The following SLC37A3 variants were observed in gnomAD, a reference collection of about 807,000 sequenced individuals.
SLC37A3 encodes the protein sugar phosphate exchanger 3.
SLC37A3 carries 51 observed loss-of-function variants against 67.1 expected under a neutral mutation model. The ratio of observed to expected loss-of-function variants is 0.76; its 90% CI spans 0.61 to 0.96. The LOEUF is 0.96. Ranked by LOEUF, SLC37A3 falls within the 40% of genes least tolerant of loss-of-function variation. The pLI is 0.00. For missense variants in SLC37A3, 508 were observed against 603.0 expected (o/e 0.84, Z 1.65); for synonymous variants, 214 against 231.4 (o/e 0.92, Z 0.68).
At chr7:140,355,226 T>C (rs1279452084) in intron 7 of SLC37A3, among the ~76,000 whole-genome samples, 1 of 152,094 alleles carries the variant, frequency 6.6e-6, no homozygotes, top group Non-Finnish European at 1.5e-5. Context: ...AATTAATTTA[T>C]TTCTGAACAG....
intron 11 of SLC37A3, 38 bp from the exon 12 acceptor site, chr7:140,345,301 A>C: frequency 6.3e-7 from 1 of 1,580,536 alleles, no homozygotes; most frequent in Non-Finnish European, 8.7e-7. Flanking sequence ...GGTGGCTTGA[A>C]AAGCAGACTC....
chr7:140,376,304 T>C (rs4368896), intron 3 of SLC37A3, among the ~76,000 whole-genome samples: 3 of 151,900 alleles, frequency 2.0e-5, no homozygotes, highest in Admixed American at 1.3e-4. Flanking sequence ...ACAATAACAT[T>C]GCTCAGATCA....
rs781223629 is a variant in SLC37A3 at position 140,362,673 on chromosome 7, T to TG, written c.375+1734dup. On this transcript the variant is annotated intron_variant, in intron 5 of 14. Transcript: ENST00000326232. Reference sequence around the variant, plus strand: ...CCAGCCGCCCCGTCCGGGAGGGAGGTGGGGGGGGGGGTCAGCCCCCTGCCC... The same window carrying TG: ...CCAGCCGCCCCGTCCGGGAGGGAGGTGGGGGGGGGGGGTCAGCCCCCTGCCC... Among the ~76,000 whole-genome samples, 42 of 15,726 alleles carry TG rather than the reference T, an allele frequency of 2.7e-3. 2 individuals carry two copies. The highest frequency in any genetic ancestry group is 4.9e-3 in the African/African-American group (21 of 4,288). The allele number at this position is 15,726 out of a possible 152,430, so 10.3% of individuals were successfully genotyped here.
chr7:140,383,958 A>G (rs751158113), intron 1 of SLC37A3, among the ~76,000 whole-genome samples: 1 of 152,196 alleles, frequency 6.6e-6, no homozygotes, highest in Non-Finnish European at 1.5e-5. Context: ...GATTACAGGC[A>G]TAAGGCACTG....
chr7:140,348,150 C>A (rs1271555221), intron 10 of SLC37A3, among the ~76,000 whole-genome samples: 1 of 152,018 alleles, frequency 6.6e-6, no homozygotes, highest in Non-Finnish European at 1.5e-5. Context: ...AAAGTGAAAC[C>A]ACAGATAAGT....
chr7:140,389,421 A>G (rs896073043), intron 1 of SLC37A3, among the ~76,000 whole-genome samples: 56 of 152,062 alleles, frequency 3.7e-4, no homozygotes, highest in Non-Finnish European at 4.4e-5. Flanking sequence ...GACTCACTTC[A>G]GCCCCCAGTG....
At chr7:140,362,187 C>A (rs1797341504) in intron 5 of SLC37A3, among the ~76,000 whole-genome samples, 1 of 140,854 alleles carries the variant, frequency 7.1e-6, no homozygotes, top group South Asian at 2.6e-4. Flanking sequence ...ATGTGGGGAG[C>A]GCCTCTGCCC....
intron 13 of SLC37A3, among the ~76,000 whole-genome samples, chr7:140,341,642 G>A (rs1796365324): frequency 6.6e-6 from 1 of 152,170 alleles, no homozygotes; most frequent in African/African-American, 2.4e-5. Context: ...AGCTAACAGT[G>A]ATTTACTCCA....
At position 140,396,887 on chromosome 7, in the gene SLC37A3, T is replaced by TTG. The variant is rs772948561; in HGVS notation, c.-71+1528_-71+1529insCA. On this transcript the variant is annotated intron_variant, in intron 1 of 14. Transcript: ENST00000326232. ...TTCTCTGAATCTCAATTTCTGTTTT[T>TTG]TTTTTTGTTTTTTTTTTTTTGACAG... 5.9e-3 allele frequency among the ~76,000 whole-genome samples: 448 copies of TTG among 75,506 alleles called. 3 individuals are homozygous for TTG. Among genetic ancestry groups the TTG allele is most frequent in the Non-Finnish European group, 9.0e-3 (299 of 33,046 alleles). 49.5% of individuals were successfully genotyped at this position (75,506 alleles called of 152,430 possible).
intron 5 of SLC37A3, among the ~76,000 whole-genome samples, chr7:140,363,740 C>CAAA (rs71170980): frequency 4.4e-4 from 47 of 107,832 alleles, no homozygotes; most frequent in African/African-American, 6.2e-4. Flanking sequence ...AACTCCGCCT[C>CAAA]AAAAAAAAAA....
chr7:140,377,788 C>T (rs1048832702), intron 3 of SLC37A3, among the ~76,000 whole-genome samples: 12 of 152,128 alleles, frequency 7.9e-5, no homozygotes, highest in African/African-American at 2.9e-4. Context: ...CCCAGCTACT[C>T]AGGAGGCTGA....
intron 5 of SLC37A3, among the ~76,000 whole-genome samples, chr7:140,363,086 C>T (rs1371604869): frequency 3.4e-5 from 3 of 89,404 alleles, no homozygotes; most frequent in East Asian, 3.7e-4. Flanking sequence ...GTCAGCCCCC[C>T]GCCCGGCCAG....
At chr7:140,380,892 T>TTCG (rs1798223963) in intron 2 of SLC37A3, among the ~76,000 whole-genome samples, 1 of 79,376 alleles carries the variant, frequency 1.3e-5, no homozygotes, top group Admixed American at 1.3e-4. Context: ...AGAATTCTTC[T>TTCG]TCTTCTTTTT....
chr7:140,394,477 C>A (rs1171063256), intron 1 of SLC37A3, among the ~76,000 whole-genome samples: 3 of 151,716 alleles, frequency 2.0e-5, no homozygotes, highest in African/African-American at 7.3e-5. Context: ...CAAAAATCAG[C>A]CAGTTGTGGT....
At chr7:140,347,424 G>A (rs1018036165) in intron 10 of SLC37A3, among the ~76,000 whole-genome samples, 1 of 152,154 alleles carries the variant, frequency 6.6e-6, no homozygotes, top group Non-Finnish European at 1.5e-5. Context: ...CATCTGGTGT[G>A]TCCTTATCAG....
chr7:140,354,662 T>C (rs1796947302), intron 7 of SLC37A3, among the ~76,000 whole-genome samples: 1 of 152,074 alleles, frequency 6.6e-6, no homozygotes, highest in Non-Finnish European at 1.5e-5. Context: ...ATTCTGTATC[T>C]TTCTGTTGTT....
intron 1 of SLC37A3, among the ~76,000 whole-genome samples, chr7:140,394,076 C>T (rs1334670055): frequency 6.6e-6 from 1 of 151,988 alleles, no homozygotes; most frequent in Non-Finnish European, 1.5e-5. Flanking sequence ...GAGGTGGAGG[C>T]GGGAGGATCG....
At position 140,377,265 on chromosome 7, in the gene SLC37A3, A is replaced by C. The variant is rs539889736; in HGVS notation, c.198+3017T>G. 1.1e-4 allele frequency among the ~76,000 whole-genome samples: 16 copies of C among 147,486 alleles called. No homozygotes were observed. In the East Asian group the frequency reaches 2.8e-3, roughly 26 times the overall value. On this transcript the variant is annotated intron_variant, in intron 3 of 14. Transcript: ENST00000326232. ...TTTTTGTAGAGACGGTGGTCTCTCTATGTTGCCCAGACTAGTCTCAAACTC... is the reference window on the plus strand; with the variant it reads ...TTTTTGTAGAGACGGTGGTCTCTCTCTGTTGCCCAGACTAGTCTCAAACTC...
At chr7:140,395,235 G>T (rs1798872061) in intron 1 of SLC37A3, among the ~76,000 whole-genome samples, 1 of 151,526 alleles carries the variant, frequency 6.6e-6, no homozygotes, top group South Asian at 2.1e-4. Flanking sequence ...AATTAGCCAG[G>T]TGTGGTGGTG....
Sources: gnomAD v4.1 joint callset for allele counts (sites outside exome capture counted in the v4.1 genomes callset) on GRCh38, gnomAD v4.1.1 for gene constraint, MANE v1.5 for transcripts, NCBI Gene and HGNC (gene_info 2026-07-23, HGNC 2026-07-21) for gene names.